The following DNAH5 variants were observed in gnomAD, a reference collection of about 807,000 sequenced individuals.
DNAH5 encodes axonemal beta dynein heavy chain 5.
A neutral mutation model predicts 518.2 loss-of-function variants in DNAH5; 372 were observed. The ratio of observed to expected loss-of-function variants is 0.72; its 90% CI spans 0.66 to 0.78. DNAH5 has a LOEUF of 0.78. DNAH5 is among the 30% of genes least tolerant of loss of function. The probability of loss-of-function intolerance (pLI) is 0.00; values close to 1 mark genes in which losing one functional copy is unlikely to be tolerated. For synonymous variants in DNAH5, 2,039 were observed against 2,025.9 expected (o/e 1.01, Z -0.17); for missense variants, 5,523 against 5,687.0 (o/e 0.97, Z 0.93).
chr5:13,986,059 T>C (rs915778753), intron 1 of DNAH5, among the ~76,000 whole-genome samples: 3 of 152,246 alleles, frequency 2.0e-5, no homozygotes, highest in Non-Finnish European at 2.9e-5. Context: ...GCCTGGATCA[T>C]GACCACACCG....
In DNAH5 at chr5:13,973,126, C is replaced by T. The variant is rs368795297; in HGVS notation, c.12+38522G>A. On this transcript the variant is annotated intron_variant, in intron 1 of 78. Transcript: ENST00000681290. ...CACAAGGATCTCCATAAGTGGAAGA[C>T]AGGAGAGGCAAGTTCAGAGAAAAGT... 5.7e-4 allele frequency among the ~76,000 whole-genome samples: 86 copies of T among 152,150 alleles called. 1 individual carries two copies. The South Asian group carries it at 0.014, about 25-fold the overall frequency.
At chr5:13,730,544 C>G (rs1174907008) in intron 68 of DNAH5, among the ~76,000 whole-genome samples, 3 of 152,082 alleles carry the variant, frequency 2.0e-5, no homozygotes, top group Admixed American at 2.0e-4. Context: ...ATGCCATTCT[C>G]CTGCCTCAGC....
At position 13,884,989 on chromosome 5, in the gene DNAH5, C is replaced by A. The variant is rs750308703; in HGVS notation, c.2983G>T (p.Asp995Tyr). 1.9e-6 allele frequency: 3 copies of A among 1,614,086 alleles called. No homozygotes were observed. In the Admixed American group the frequency reaches 5.0e-5, roughly 27 times the overall value. The change falls in exon 19 of 79, where the codon GAC (aspartate) becomes TAC (tyrosine). Residue 995 changes from aspartate to tyrosine, a missense_variant and splice_region_variant. This residue lies in a region of DNAH5 where 5,121 missense variants were observed against 5,223.3 expected (regional missense o/e 0.98). Transcript: ENST00000265104. ...TAAGCAAACCACACAAGATTATTAC[C>A]CCGGAAGTTAATTGTGTGAGAGGAA... The part of the protein sequence containing the change: ...IHSSHTINFR[D>Y]SNSASNMKQN...
At chr5:13,757,285 T>C (rs533664188) in intron 61 of DNAH5, among the ~76,000 whole-genome samples, 11 of 152,242 alleles carry the variant, frequency 7.2e-5, no homozygotes, top group Non-Finnish European at 1.6e-4. Context: ...TGCCACACTA[T>C]CTACCAGAAT....
chr5:13,753,608 C>A (rs1215843484), intron 62 of DNAH5, 59 bp from the exon 63 acceptor site: 1 of 1,418,332 alleles, frequency 7.1e-7, no homozygotes, highest in African/African-American at 1.4e-5. Flanking sequence ...GATTGTACAG[C>A]ATATTAAAAA....
At chr5:13,878,297 C>T (rs1055219849) in intron 21 of DNAH5, among the ~76,000 whole-genome samples, 1 of 152,210 alleles carries the variant, frequency 6.6e-6, no homozygotes, top group Admixed American at 6.5e-5. Flanking sequence ...TTCCCCAGAT[C>T]ACAAAACAGA....
chr5:13,757,712 T>C (rs1751195507), intron 61 of DNAH5, among the ~76,000 whole-genome samples: 1 of 152,058 alleles, frequency 6.6e-6, no homozygotes, highest in South Asian at 2.1e-4. Context: ...TTAAAAAAAA[T>C]CTCATTAAAA....
Position 13,867,874 on chromosome 5 carries a change from T to C in DNAH5, c.3953A>G (p.Asn1318Ser). The change falls in exon 25 of 79, where the codon AAT (asparagine) becomes AGT (serine). Residue 1318 changes from asparagine (N) to serine (S), a missense_variant. Asn to Ser is a conservative substitution (Grantham distance 46, BLOSUM62 1). Around this residue, in one of 3 missense-constraint regions of DNAH5, gnomAD observed 5,121 missense variants for 5,223.3 expected, o/e 0.98. Transcript: ENST00000265104. ...ACTGGGCTGCAGTGAGACTAATTTATTCTGGACTTCGCCAGCACGTGCCAG... is the reference window on the plus strand; with the variant it reads ...ACTGGGCTGCAGTGAGACTAATTTACTCTGGACTTCGCCAGCACGTGCCAG... ...KLLARAGEVQ[N>S]KLVSLQPSFK... 1 of 1,614,122 alleles carries C rather than the reference T, an allele frequency of 6.2e-7. No homozygotes were observed. Among genetic ancestry groups the C allele is most frequent in the Non-Finnish European group, 8.5e-7 (1 of 1,179,986 alleles).
Position 13,968,721 on chromosome 5 carries a change from T to C in DNAH5, c.13-37477A>G, listed in dbSNP as rs535731633. On this transcript the variant is annotated intron_variant, in intron 1 of 78. Transcript: ENST00000681290. ...TACTGATGGATCAGGTTAGGTAGTA[T>C]TTTGTTACAGATTTTTGCATCTATG... Among the ~76,000 whole-genome samples, 3 of 152,330 alleles carry C rather than the reference T, an allele frequency of 2.0e-5. No individual in the cohort carries two copies. In the South Asian group the frequency reaches 6.2e-4, roughly 32 times the overall value.
intron 1 of DNAH5, among the ~76,000 whole-genome samples, chr5:13,959,864 G>A (rs111939566): frequency 0.058 from 8,854 of 152,182 alleles, 469 homozygotes; most frequent in African/African-American, 0.15. Flanking sequence ...CCACTCGGGA[G>A]GCTGAGGCAG....
chr5:13,739,752 C>T (rs558585684), intron 65 of DNAH5, among the ~76,000 whole-genome samples: 9 of 152,170 alleles, frequency 5.9e-5, no homozygotes, highest in South Asian at 4.1e-4. Context: ...CAGCCCAAAC[C>T]GTCACTGTTA....
chr5:13,746,944 T>C (rs1650253580), intron 65 of DNAH5, among the ~76,000 whole-genome samples: 1 of 152,122 alleles, frequency 6.6e-6, no homozygotes, highest in Non-Finnish European at 1.5e-5. Context: ...AACGTGCAGG[T>C]TTGTTACATA....
chr5:13,858,271 A>G (rs1217161679), intron 30 of DNAH5, among the ~76,000 whole-genome samples: 1 of 152,210 alleles, frequency 6.6e-6, no homozygotes, highest in African/African-American at 2.4e-5. Flanking sequence ...CTTTGCAGGG[A>G]CATGGATGAA....
chr5:13,930,780 G>A (rs965780693), intron 2 of DNAH5, among the ~76,000 whole-genome samples: 1 of 152,340 alleles, frequency 6.6e-6, no homozygotes, highest in African/African-American at 2.4e-5. Flanking sequence ...CACAAAAGAC[G>A]AATCGGCAAC....
intron 31 of DNAH5, among the ~76,000 whole-genome samples, chr5:13,845,761 AATTTT>A (rs1305853604): frequency 1.8e-5 from 2 of 114,220 alleles, no homozygotes; most frequent in South Asian, 5.2e-4. Context: ...CCAGCTTTTT[AATTTT>A]TATTTTTTTT....
At chr5:13,877,520 T>C (rs1233864744) in intron 21 of DNAH5, among the ~76,000 whole-genome samples, 1 of 152,180 alleles carries the variant, frequency 6.6e-6, no homozygotes, top group African/African-American at 2.4e-5. Context: ...CCTCCACCCA[T>C]GGACACACCC....
At position 14,001,926 on chromosome 5, in the gene DNAH5, G is replaced by A. The variant is rs373416077; in HGVS notation, c.12+9722C>T. 4.7e-4 allele frequency among the ~76,000 whole-genome samples: 71 copies of A among 151,150 alleles called. No homozygotes were observed. The South Asian group carries it at 0.014, about 30-fold the overall frequency. On this transcript the variant is annotated intron_variant, in intron 1 of 78. Transcript: ENST00000681290. ...TTAATTTGTTTTTTTTTTAGACAGC[G>A]TCTTGCTCTGTCGCCAGGTGGGAGT...
rs139797525 is a variant in DNAH5, at chr5:13,793,680, T to C, written c.8059A>G (p.Asn2687Asp). The stretch of plus-strand genomic sequence containing the variant: ...GTGAACTCCCCAGGCTTCTCTAGAT[T>C]ATAGAATCCATTTTGTTCCATCAGC... ...RQLMEQNGFY[N>D]LEKPGEFTSI... Residue 2687 changes from asparagine (N) to aspartate (D), a missense_variant, in exon 49 of 79, where the codon AAT becomes GAT. Physicochemically the swap from Asn to Asp is conservative, Grantham distance 23 (BLOSUM62 1). Transcript: ENST00000265104. 7.3e-5 allele frequency: 118 copies of C among 1,614,060 alleles called. No individual in the cohort carries two copies. Among genetic ancestry groups the C allele is most frequent in the Non-Finnish European group, 9.2e-5 (109 of 1,180,038 alleles).
intron 60 of DNAH5, among the ~76,000 whole-genome samples, chr5:13,761,729 A>G (rs1751813393): frequency 6.6e-6 from 1 of 152,224 alleles, no homozygotes; most frequent in African/African-American, 2.4e-5. Flanking sequence ...TGAAGTCTTC[A>G]ATAGTCACAA....
Sources: allele counts gnomAD v4.1 joint callset (sites outside exome capture counted in the v4.1 genomes callset), GRCh38; gene constraint gnomAD v4.1.1; regional missense constraint gnomAD v4.1.1; transcripts MANE v1.5; gene names NCBI Gene and HGNC (gene_info 2026-07-23, HGNC 2026-07-21).